Variants in CELSR3 observed in about 807,000 individuals in gnomAD.
CELSR3 encodes the protein cadherin EGF LAG seven-pass G-type receptor 3, also known as EGF-like protein 1.
Under a neutral mutation model 270.0 loss-of-function variants are expected in CELSR3, and 73 were observed. The ratio of observed to expected loss-of-function variants is 0.27; its 90% CI spans 0.22 to 0.33. CELSR3 has a LOEUF of 0.33. CELSR3 is among the 10% of genes least tolerant of loss of function. The pLI is 1.00. For synonymous variants in CELSR3, 1,780 were observed against 1,905.4 expected (o/e 0.93, Z 1.71); for missense variants, 3,614 against 4,533.8 (o/e 0.80, Z 5.83).
Position 48,644,374 on chromosome 3 carries a change from G to T in CELSR3, c.8086-79C>A. On this transcript the variant is annotated intron_variant, in intron 26 of 34. Transcript: ENST00000164024. The surrounding 1 kb of genome is among the most constrained non-coding windows in gnomAD (Gnocchi z 4.8). ...AGAGAGGCAATGAGAGACAGAGAGA[G>T]ACTAAGATTCACGGAGAGAGGCAGA... 1 of 1,357,814 alleles carries T rather than the reference G, an allele frequency of 7.4e-7. No homozygotes were observed. The highest frequency in any genetic ancestry group is 1.2e-5 in the South Asian group (1 of 84,376). 84.1% of individuals were successfully genotyped at this position (1,357,814 alleles called of 1,614,324 possible).
In CELSR3 at chr3:48,644,679, G is replaced by A; in HGVS notation, c.8085+37C>T. The A allele has an allele frequency of 1.3e-6, 2 of 1,519,556 alleles. No homozygotes were observed. Among genetic ancestry groups the A allele is most frequent in the East Asian group, 2.3e-5 (1 of 44,216 alleles). The allele number at this position is 1,519,556 out of a possible 1,614,324, so 94.1% of individuals were successfully genotyped here. A position where few individuals can be genotyped will look rare whatever the true frequency, so the allele number is the denominator to read the frequency against. ...TGCACCTCCTCCCCCAATGAGGGAG[G>A]GAAGTACAGAGGGGGCACCAAGTCC... On this transcript the variant is annotated intron_variant, in intron 26 of 34. Transcript: ENST00000164024. This position sits in a 1 kb window ranked among gnomAD's most constrained non-coding sequence, Gnocchi z 4.8.
rs774001672 is a variant in CELSR3, at chr3:48,652,484, G to A, written c.5704C>T (p.Pro1902Ser). Reference protein sequence around the residue: ...VKQLHVGGLPPGSAEEAPQGL... With the variant: ...VKQLHVGGLPSGSAEEAPQGL... ...TGAGGAGCCTCCTCTGCACTGCCGG[G>A]GGGCAGGCCTCCCACGTGGAGCTGC... Residue 1902 changes from proline to serine, a missense_variant, in exon 11 of 35, where the codon CCC becomes TCC. By Grantham distance (74) the Pro-to-Ser change is moderately conservative. Coordinates refer to ENST00000164024, the MANE Select transcript of CELSR3 (RefSeq NM_001407.3). The surrounding 1 kb of genome is among the most constrained non-coding windows in gnomAD (Gnocchi z 4.3). 2 of 1,613,772 alleles carry A rather than the reference G, an allele frequency of 1.2e-6. No homozygotes were observed. Among genetic ancestry groups the A allele is most frequent in the Non-Finnish European group, 8.5e-7 (1 of 1,179,976 alleles).
chr3:48,651,783 C>G lies in CELSR3; in HGVS notation c.5924-65G>C. On this transcript the variant is annotated intron_variant, in intron 12 of 34. Transcript: ENST00000164024. This position sits in a 1 kb window ranked among gnomAD's most constrained non-coding sequence, Gnocchi z 7.4. Reference sequence around the variant, plus strand: ...AGCATGGAAGGAAGCAGGCACCCGTCCCGAGTCCCTGCCTCCTTCAGGTTC... The same window carrying G: ...AGCATGGAAGGAAGCAGGCACCCGTGCCGAGTCCCTGCCTCCTTCAGGTTC... 6.5e-7 allele frequency: 1 copy of G among 1,536,678 alleles called. No individual in the cohort carries two copies. Among genetic ancestry groups the G allele is most frequent in the Non-Finnish European group, 8.7e-7 (1 of 1,144,374 alleles).
In CELSR3 at chr3:48,657,357, G is replaced by A. The variant is rs374055694; in HGVS notation, c.3749-9C>T. The A allele has an allele frequency of 8.3e-6, 13 of 1,574,578 alleles. No homozygotes were observed. The highest frequency in any genetic ancestry group is 1.1e-5 in the Non-Finnish European group (13 of 1,160,396). Reference sequence around the variant, plus strand: ...CACGCTGTGCAGGCCATCTGCAGGCGGGGGCAGGGGCAGTGGTCATCCTGG... The same window carrying A: ...CACGCTGTGCAGGCCATCTGCAGGCAGGGGCAGGGGCAGTGGTCATCCTGG... On this transcript the variant is annotated splice_polypyrimidine_tract_variant and intron_variant, in intron 1 of 34. Transcript: ENST00000164024. This position sits in a 1 kb window ranked among gnomAD's most constrained non-coding sequence, Gnocchi z 5.4.
chr3:48,661,607 G>T lies in CELSR3; in HGVS notation c.1028C>A (p.Ala343Glu), dbSNP rs1386095999. 6.2e-7 allele frequency: 1 copy of T among 1,609,034 alleles called. No homozygotes were observed. Among genetic ancestry groups the T allele is most frequent in the South Asian group, 1.1e-5 (1 of 90,842 alleles). Reference protein sequence around the residue: ...LVPENEAAGTAVLRVVAQDPD... With the variant: ...LVPENEAAGTEVLRVVAQDPD... Reference sequence around the variant, plus strand: ...GTCCTGAGCAACCACGCGTAGCACCGCGGTGCCTGCTGCCTCATTCTCCGG... The same window carrying T: ...GTCCTGAGCAACCACGCGTAGCACCTCGGTGCCTGCTGCCTCATTCTCCGG... The change falls in exon 1 of 35, where the codon GCG (alanine) becomes GAG (glutamate). Residue 343 changes from alanine (A) to glutamate (E), a missense_variant. Around this residue, in one of 7 missense-constraint regions of CELSR3, gnomAD observed 354 missense variants for 500.9 expected, o/e 0.71. Transcript: ENST00000164024.
At position 48,660,316 on chromosome 3, in the gene CELSR3, G is replaced by C; in HGVS notation, c.2319C>G (p.Thr773=). Residue 773 remains threonine, a synonymous_variant, in exon 1 of 35, where the codon ACC becomes ACG. Transcript: ENST00000164024. This position sits in a 1 kb window ranked among gnomAD's most constrained non-coding sequence, Gnocchi z 5.5. ...LRLNEDAAVG[T]SVVSVTAVDR... is the part of the protein sequence containing the mutation. The stretch of plus-strand genomic sequence containing the variant: ...CTACTGCGGTCACGCTGACCACACT[G>C]GTGCCCACAGCTGCATCCTCATTCA... 3 of 1,614,130 alleles carry C rather than the reference G, an allele frequency of 1.9e-6. No individual in the cohort carries two copies. Among genetic ancestry groups the C allele is most frequent in the South Asian group, 2.2e-5 (2 of 91,086 alleles).
Position 48,657,706 on chromosome 3 carries a change from C to G in CELSR3, c.3749-358G>C, listed in dbSNP as rs1057413661. ...AGTTATCATGGTCAGCAGGCCACCC[C>G]AACTCAGGACACAGAGAGGAGCTAG... On this transcript the variant is annotated intron_variant, in intron 1 of 34. Coordinates refer to ENST00000164024, the MANE Select transcript of CELSR3 (RefSeq NM_001407.3). This position sits in a 1 kb window ranked among gnomAD's most constrained non-coding sequence, Gnocchi z 5.4. Among the ~76,000 whole-genome samples the G allele has an allele frequency of 6.6e-6, 1 of 152,186 alleles. No homozygotes were observed. The highest frequency in any genetic ancestry group is 1.5e-5 in the Non-Finnish European group (1 of 68,034).
chr3:48,653,543 C>T lies in CELSR3; in HGVS notation c.5448+76G>A. 6.4e-7 allele frequency: 1 copy of T among 1,552,890 alleles called. No homozygotes were observed. The highest frequency in any genetic ancestry group is 8.8e-7 in the Non-Finnish European group (1 of 1,139,294). On this transcript the variant is annotated intron_variant, in intron 9 of 34. Coordinates refer to ENST00000164024, the MANE Select transcript of CELSR3 (RefSeq NM_001407.3). The surrounding 1 kb of genome is among the most constrained non-coding windows in gnomAD (Gnocchi z 6.5). ...CAGAAAAGTATGCTGTGTGACCAAC[C>T]TGAACCCACAAGAATGTCAGTGGCG...
Position 48,656,358 on chromosome 3 carries a change from G to T in CELSR3, c.4407C>A (p.Asp1469Glu). Reference protein sequence around the residue: ...CVCRPRFTGEDCELDTEAGRC... With the variant: ...CVCRPRFTGEECELDTEAGRC... ...GGCCGGCCTCGGTGTCCAGCTCGCA[G>T]TCCTCTCCTGGGGGCCAAGCCGCGG... The change falls in exon 3 of 35, where the codon GAC becomes GAA. Residue 1469 changes from aspartate (D) to glutamate (E), a missense_variant. Asp to Glu is a conservative substitution (Grantham distance 45). Around this residue, in one of 7 missense-constraint regions of CELSR3, gnomAD observed 1,331 missense variants for 1,933.7 expected, o/e 0.69. Transcript: ENST00000164024. The T allele has an allele frequency of 7.0e-7, 1 of 1,422,844 alleles. No homozygotes were observed. Among genetic ancestry groups the T allele is most frequent in the Non-Finnish European group, 9.1e-7 (1 of 1,102,858 alleles). 88.1% of individuals were successfully genotyped at this position (1,422,844 alleles called of 1,614,324 possible).
At position 48,655,720 on chromosome 3, in the gene CELSR3, C is replaced by T. The variant is rs1406747871; in HGVS notation, c.4741+16G>A. The T allele has an allele frequency of 6.2e-7, 1 of 1,608,172 alleles. No individual in the cohort carries two copies. The highest frequency in any genetic ancestry group is 8.5e-7 in the Non-Finnish European group (1 of 1,174,952). On this transcript the variant is annotated intron_variant, in intron 4 of 34. Coordinates refer to ENST00000164024, the MANE Select transcript of CELSR3 (RefSeq NM_001407.3). This position sits in a 1 kb window ranked among gnomAD's most constrained non-coding sequence, Gnocchi z 5.8. ...GCACACACGCACCCTTTCGCCGTCA[C>T]ATCCGGGGCACCCACCCGTGGAATA...
In CELSR3 at chr3:48,655,354, G is replaced by A. The variant is rs1220499626; in HGVS notation, c.4782C>T (p.Gly1594=). Residue 1594 remains glycine, a synonymous_variant, in exon 5 of 35, where the codon GGC becomes GGT. Transcript: ENST00000164024. This position sits in a 1 kb window ranked among gnomAD's most constrained non-coding sequence, Gnocchi z 5.8. ...NTVVSPTVPG[G]LSDGQWHTVH... Reference sequence around the variant, plus strand: ...CTGTATGCCATTGCCCGTCACTCAAGCCCCCTGGAACTGTGGGGCTGACCA... The same window carrying A: ...CTGTATGCCATTGCCCGTCACTCAAACCCCCTGGAACTGTGGGGCTGACCA... 2 of 1,613,972 alleles carry A rather than the reference G, an allele frequency of 1.2e-6. No homozygotes were observed. Among genetic ancestry groups the A allele is most frequent in the Non-Finnish European group, 1.7e-6 (2 of 1,179,994 alleles).
chr3:48,648,955 T>C, intron 17 of CELSR3, 27 bp from the exon 18 acceptor site: 1 of 1,610,508 alleles, frequency 6.2e-7, no homozygotes, highest in Non-Finnish European at 8.5e-7. Flanking sequence ...ATGGTTGCTC[T>C]GTGGTCCCTT....
chr3:48,643,605 G>A lies in CELSR3; in HGVS notation c.8238C>T (p.Asn2746=), dbSNP rs2047050096. The A allele has an allele frequency of 6.4e-7, 1 of 1,551,254 alleles. No individual in the cohort carries two copies. Among genetic ancestry groups the A allele is most frequent in the Non-Finnish European group, 8.7e-7 (1 of 1,147,012 alleles). The stretch of plus-strand genomic sequence containing the variant: ...GGTAGTGGAAGGCTAGGATGCTGTG[G>A]TTGACTGCCAGGAGCCCAAAGAGCC... ...ASWLFGLLAV[N]HSILAFHYLH... The change falls in exon 28 of 35, where the codon AAC becomes AAT. Residue 2746 remains asparagine (N), a synonymous_variant. Transcript: ENST00000164024.
intron 20 of CELSR3, 88 bp from the exon 21 acceptor site, chr3:48,647,016 G>A: frequency 7.7e-7 from 1 of 1,294,198 alleles, no homozygotes; most frequent in Admixed American, 3.2e-5. Flanking sequence ...AAGCATGGGG[G>A]TCTCTTCCCT....
rs1486130327 is a variant in CELSR3, at chr3:48,639,215, C to T, written c.9911+459G>A. 6.6e-6 allele frequency among the ~76,000 whole-genome samples: 1 copy of T among 152,150 alleles called. No homozygotes were observed. The highest frequency in any genetic ancestry group is 1.5e-5 in the Non-Finnish European group (1 of 68,038). On this transcript the variant is annotated intron_variant, in intron 34 of 34. Coordinates refer to ENST00000164024, the MANE Select transcript of CELSR3 (RefSeq NM_001407.3). This position sits in a 1 kb window ranked among gnomAD's most constrained non-coding sequence, Gnocchi z 4.1. ...ATACATCGATGAATGAATGATTTATCCTCAACAAAGCAAGCCCTTCAGCCT... is the reference window on the plus strand; with the variant it reads ...ATACATCGATGAATGAATGATTTATTCTCAACAAAGCAAGCCCTTCAGCCT...
Position 48,640,599 on chromosome 3 carries a change from AGGG to A in CELSR3, c.9026-43_9026-41del. On this transcript the variant is annotated intron_variant, in intron 33 of 34. Coordinates refer to ENST00000164024, the MANE Select transcript of CELSR3 (RefSeq NM_001407.3). The surrounding 1 kb of genome is among the most constrained non-coding windows in gnomAD (Gnocchi z 7.5). Reference sequence around the variant, plus strand: ...AAATGGGGGGCAGGGTTTGTGTGGGAGGGGGAGGGCAGGCAGGAATTGCTGAGT... The same window carrying A: ...AAATGGGGGGCAGGGTTTGTGTGGGAGGAGGGCAGGCAGGAATTGCTGAGT... 8.0e-7 allele frequency: 1 copy of A among 1,249,176 alleles called. No individual in the cohort carries two copies. The allele number at this position is 1,249,176 out of a possible 1,614,324, so 77.4% of individuals were successfully genotyped here.
At position 48,645,586 on chromosome 3, in the gene CELSR3, C is replaced by T; in HGVS notation, c.7654G>A (p.Ala2552Thr). The T allele has an allele frequency of 6.2e-7, 1 of 1,612,554 alleles. No homozygotes were observed. The highest frequency in any genetic ancestry group is 8.5e-7 in the Non-Finnish European group (1 of 1,179,902). The change falls in exon 24 of 35, where the codon GCT becomes ACT. Residue 2552 changes from alanine to threonine, a missense_variant. Ala to Thr is a moderately conservative substitution (Grantham distance 58). Around this residue, in one of 7 missense-constraint regions of CELSR3, gnomAD observed 1,240 missense variants for 1,351.7 expected, o/e 0.92. Transcript: ENST00000164024. The surrounding 1 kb of genome is among the most constrained non-coding windows in gnomAD (Gnocchi z 5.4). ...ATGGCTGCAGTCAGCACCAGCGCAG[C>T]CACAGACACAGCCACGACCACGTGG... is the stretch of plus-strand genomic sequence containing the variant. ...FTHVVVAVSV[A>T]ALVLTAAILL... is the part of the protein sequence containing the mutation.
chr3:48,642,455 C>T lies in CELSR3; in HGVS notation c.8568G>A (p.Leu2856=), dbSNP rs1445688412. The T allele has an allele frequency of 2.5e-6, 4 of 1,612,828 alleles. No homozygotes were observed. Among genetic ancestry groups the T allele is most frequent in the Non-Finnish European group, 3.4e-6 (4 of 1,179,748 alleles). ...GGTCAGCGGCTGAGCCATGTCGAAC[C>T]AGGACATTGTCCCTGGAAAAGCAGG... The part of the protein sequence containing the change: ...RGRSYLRDNV[L]VRHGSAADHT... The change falls in exon 31 of 35, where the codon CTG becomes CTA. Residue 2856 remains leucine, a synonymous_variant. Coordinates refer to ENST00000164024, the MANE Select transcript of CELSR3 (RefSeq NM_001407.3). This position sits in a 1 kb window ranked among gnomAD's most constrained non-coding sequence, Gnocchi z 6.1.
At chr3:48,656,551 T>C in intron 2 of CELSR3, 147 bp downstream of exon 2, 1 of 1,245,186 alleles carries the variant, frequency 8.0e-7, no homozygotes, top group Non-Finnish European at 1.1e-6. Context: ...CGGCGGCCCC[T>C]TCCGGCCACG....
Sources: allele counts gnomAD v4.1 joint callset (sites outside exome capture counted in the v4.1 genomes callset), GRCh38; gene constraint gnomAD v4.1.1; regional missense constraint gnomAD v4.1.1; non-coding constraint Gnocchi (gnomAD v3.1); transcripts MANE v1.5; gene names NCBI Gene and HGNC (gene_info 2026-07-23, HGNC 2026-07-21).